IMMP2L: variants seen among roughly 807,000 people sequenced by gnomAD.
The protein encoded by IMMP2L is mitochondrial inner membrane protease subunit 2.
Under a neutral mutation model 19.3 loss-of-function variants are expected in IMMP2L, and 18 were observed. The observed-to-expected ratio is 0.93, with a 90% CI of 0.64 to 1.38. The LOEUF is 1.38. Among genes scored for constraint, IMMP2L ranks in the 40% most tolerant of loss-of-function variants. The pLI, the probability that IMMP2L is intolerant of heterozygous loss-of-function variation, is 0.00. For missense variants in IMMP2L, 233 were observed against 218.2 expected, an observed-to-expected ratio of 1.07 and a Z score of -0.43; for synonymous variants, 76 against 73.0, an observed-to-expected ratio of 1.04 and a Z score of -0.21.
chr7:111,191,039 A>T, intron 3 of IMMP2L, among the ~76,000 whole-genome samples: 1 of 152,142 alleles, frequency 6.6e-6, no homozygotes, highest in Non-Finnish European at 1.5e-5. Flanking sequence ...CTGCAGTGGC[A>T]GATAAGAAGG....
intron 4 of IMMP2L, among the ~76,000 whole-genome samples, chr7:110,945,765 T>TTTAGG (rs879520892): frequency 7.6e-4 from 115 of 150,856 alleles, no homozygotes; most frequent in Non-Finnish European, 7.5e-4. Flanking sequence ...AATGAACTCC[T>TTTAGG]AAAGAAACAA....
intron 5 of IMMP2L, among the ~76,000 whole-genome samples, chr7:110,769,431 T>C (rs1465443916): frequency 3.3e-5 from 5 of 152,206 alleles, no homozygotes; most frequent in Non-Finnish European, 7.3e-5. Context: ...TGGGATTGAT[T>C]GTCCAGTTAA....
At chr7:110,680,095 G>A (rs1157060396) in intron 5 of IMMP2L, among the ~76,000 whole-genome samples, 1 of 152,136 alleles carries the variant, frequency 6.6e-6, no homozygotes, top group Non-Finnish European at 1.5e-5. Context: ...GCAATTTGGT[G>A]AATATTATTT....
At chr7:110,834,850 G>GA (rs1186984393) in intron 5 of IMMP2L, among the ~76,000 whole-genome samples, 5 of 152,238 alleles carry the variant, frequency 3.3e-5, no homozygotes, top group African/African-American at 1.2e-4. Flanking sequence ...CAAACACCCT[G>GA]GCCTTTGTGG....
At chr7:111,451,631 G>A (rs1839196809) in intron 3 of IMMP2L, among the ~76,000 whole-genome samples, 2 of 150,218 alleles carry the variant, frequency 1.3e-5, no homozygotes, top group African/African-American at 4.9e-5. Flanking sequence ...GTTAGGGGGT[G>A]CAGCGCACCA....
intron 3 of IMMP2L, among the ~76,000 whole-genome samples, chr7:111,444,564 T>C (rs953380745): frequency 7.9e-5 from 12 of 152,184 alleles, no homozygotes; most frequent in Admixed American, 7.2e-4. Context: ...AGTGTTGAAT[T>C]TTTTTAAATT....
At chr7:111,227,714 C>T (rs1444731594) in intron 3 of IMMP2L, among the ~76,000 whole-genome samples, 1 of 152,090 alleles carries the variant, frequency 6.6e-6, no homozygotes, top group Non-Finnish European at 1.5e-5. Flanking sequence ...ACATCTAATG[C>T]TCAGAATGTT....
At chr7:110,686,248 C>T (rs1445974109) in intron 5 of IMMP2L, among the ~76,000 whole-genome samples, 2 of 152,074 alleles carry the variant, frequency 1.3e-5, no homozygotes, top group Admixed American at 1.3e-4. Context: ...CTTCCTAGCA[C>T]TCTGAGCACA....
chr7:110,699,537 G>A (rs1042259884), intron 5 of IMMP2L, among the ~76,000 whole-genome samples: 18 of 152,062 alleles, frequency 1.2e-4, no homozygotes, highest in Non-Finnish European at 1.9e-4. Context: ...TTGGGAGGCC[G>A]AGGCGGGCGG....
At chr7:111,265,153 C>A (rs1817697821) in intron 3 of IMMP2L, among the ~76,000 whole-genome samples, 1 of 152,150 alleles carries the variant, frequency 6.6e-6, no homozygotes, top group South Asian at 2.1e-4. Flanking sequence ...CAGTTTAAGG[C>A]AGATTCCTTC....
intron 3 of IMMP2L, among the ~76,000 whole-genome samples, chr7:111,416,464 T>C (rs1333508692): frequency 1.3e-5 from 2 of 151,814 alleles, no homozygotes; most frequent in Non-Finnish European, 2.9e-5. Flanking sequence ...CCACTAGAAT[T>C]AGCAAACTAA....
At chr7:110,900,272 G>C (rs993873877) in intron 4 of IMMP2L, among the ~76,000 whole-genome samples, 3 of 152,134 alleles carry the variant, frequency 2.0e-5, no homozygotes, top group Non-Finnish European at 2.9e-5. Flanking sequence ...TAGGCCAGCT[G>C]TTGTCCTCTA....
At chr7:111,239,684 T>C (rs1474834857) in intron 3 of IMMP2L, among the ~76,000 whole-genome samples, 1 of 151,912 alleles carries the variant, frequency 6.6e-6, no homozygotes, top group African/African-American at 2.4e-5. Context: ...TCTCCCACAT[T>C]TTCAACTGCC....
intron 4 of IMMP2L, among the ~76,000 whole-genome samples, chr7:110,946,740 A>C (rs1465254156): frequency 5.9e-5 from 1 of 16,916 alleles, no homozygotes; most frequent in Non-Finnish European, 1.2e-4. Flanking sequence ...TTTTTTTTTG[A>C]GACGGAGTCT....
intron 1 of IMMP2L, among the ~76,000 whole-genome samples, chr7:111,530,953 T>A (rs1847333839): frequency 6.6e-6 from 1 of 151,552 alleles, no homozygotes; most frequent in Non-Finnish European, 1.5e-5. Flanking sequence ...TAAGACTGAA[T>A]ATTAATTTTT....
Position 111,288,611 on chromosome 7 carries a change from G to T in IMMP2L, c.239+198627C>A, listed in dbSNP as rs190842329. 5.5e-3 allele frequency among the ~76,000 whole-genome samples: 833 copies of T among 152,046 alleles called. 11 individuals are homozygous for T. The highest frequency in any genetic ancestry group is 0.019 in the African/African-American group (803 of 41,508). ...AACCCCATCAAAAAGTGGGCGAAGG[G>T]TATGAACAGACACTTCTCAAAAGAA... On this transcript the variant is annotated intron_variant, in intron 3 of 5. Transcript: ENST00000405709.
chr7:111,152,516 C>T (rs1325875873), intron 3 of IMMP2L, among the ~76,000 whole-genome samples: 1 of 152,116 alleles, frequency 6.6e-6, no homozygotes, highest in Non-Finnish European at 1.5e-5. Context: ...GAAAGAAAAT[C>T]TTAATTTATT....
chr7:111,044,605 G>C (rs1372303181), intron 3 of IMMP2L, among the ~76,000 whole-genome samples: 3 of 152,018 alleles, frequency 2.0e-5, no homozygotes, highest in Non-Finnish European at 4.4e-5. Context: ...CTATAATTCT[G>C]GATATCTTTA....
At chr7:110,957,856 T>C (rs778303593) in intron 4 of IMMP2L, among the ~76,000 whole-genome samples, 2 of 152,018 alleles carry the variant, frequency 1.3e-5, no homozygotes, top group Non-Finnish European at 2.9e-5. Flanking sequence ...TTACCATTTC[T>C]CTCTACCCCC....
Sources: allele counts gnomAD v4.1 joint callset (sites outside exome capture counted in the v4.1 genomes callset), GRCh38; gene constraint gnomAD v4.1.1; transcripts MANE v1.5; gene names NCBI Gene and HGNC (gene_info 2026-07-23, HGNC 2026-07-21).